Variants in SKAP1 observed in about 807,000 individuals in gnomAD.
SKAP1 encodes src kinase-associated phosphoprotein 1.
Under a neutral mutation model 58.5 loss-of-function variants are expected in SKAP1, and 44 were observed. The ratio of observed to expected loss-of-function variants is 0.75; its 90% CI spans 0.59 to 0.97. The LOEUF (loss-of-function observed/expected upper bound fraction) is 0.97, where lower values mean the gene tolerates loss of function less well. Ranked by LOEUF, SKAP1 falls within the 50% of genes least tolerant of loss-of-function variation. SKAP1 has a pLI of 0.00. For synonymous variants in SKAP1, 127 were observed against 149.7 expected (o/e 0.85, Z 1.11); for missense variants, 390 against 435.2 (o/e 0.90, Z 0.92).
chr17:48,225,013 A>G (rs1184904233), intron 4 of SKAP1, among the ~76,000 whole-genome samples: 2 of 152,212 alleles, frequency 1.3e-5, no homozygotes, highest in Admixed American at 6.5e-5. Flanking sequence ...AAGGACTACA[A>G]ATAACTATAG....
At chr17:48,429,909 G>A (rs946912063) in intron 1 of SKAP1, among the ~76,000 whole-genome samples, 166 bp downstream of exon 1, 1 of 152,172 alleles carries the variant, frequency 6.6e-6, no homozygotes, top group Non-Finnish European at 1.5e-5. Flanking sequence ...GGGCCCTGAG[G>A]TGAGAGGATG....
At chr17:48,252,044 C>T (rs554763049) in intron 4 of SKAP1, among the ~76,000 whole-genome samples, 8 of 152,242 alleles carry the variant, frequency 5.3e-5, no homozygotes, top group African/African-American at 7.2e-5. Flanking sequence ...CAGATTTTAA[C>T]GCTAAGAATT....
chr17:48,188,074 T>A (rs766234783), intron 5 of SKAP1, 148 bp from the exon 6 acceptor site: 13 of 606,158 alleles, frequency 2.1e-5, no homozygotes, highest in Non-Finnish European at 3.2e-5. Context: ...TCCCACAGGT[T>A]ATCCCATATT....
intron 1 of SKAP1, among the ~76,000 whole-genome samples, chr17:48,423,832 C>T (rs1483854903): frequency 6.6e-6 from 1 of 152,160 alleles, no homozygotes; most frequent in Non-Finnish European, 1.5e-5. Flanking sequence ...TCTCACCTCA[C>T]TGCAGCCTCA....
intron 4 of SKAP1, among the ~76,000 whole-genome samples, chr17:48,295,042 C>T (rs539340037): frequency 1.3e-5 from 2 of 152,200 alleles, no homozygotes; most frequent in African/African-American, 4.8e-5. Flanking sequence ...ACTTAAATGG[C>T]TATTTGTAAA....
intron 2 of SKAP1, among the ~76,000 whole-genome samples, chr17:48,364,855 C>T (rs12449743): frequency 0.092 from 14,033 of 152,046 alleles, 988 homozygotes; most frequent in African/African-American, 0.17. Context: ...AAATAATTGG[C>T]AAAACTGACA....
chr17:48,264,887 A>G (rs2065526424), intron 4 of SKAP1, among the ~76,000 whole-genome samples: 1 of 152,068 alleles, frequency 6.6e-6, no homozygotes, highest in South Asian at 2.1e-4. Context: ...GCTGCAGTCA[A>G]CGAGGAAACA....
chr17:48,382,204 G>A (rs748567893), intron 2 of SKAP1, among the ~76,000 whole-genome samples: 1 of 151,396 alleles, frequency 6.6e-6, no homozygotes, highest in African/African-American at 2.4e-5. Flanking sequence ...AAACCCACAT[G>A]GGGGGAGGGG....
At chr17:48,404,040 G>C (rs2067537030) in intron 1 of SKAP1, among the ~76,000 whole-genome samples, 1 of 149,486 alleles carries the variant, frequency 6.7e-6, no homozygotes, top group Admixed American at 6.7e-5. Flanking sequence ...AGTGAGCTGA[G>C]ATTGCGCCAC....
chr17:48,146,361 C>T (rs2063832659), intron 11 of SKAP1, among the ~76,000 whole-genome samples: 3 of 151,928 alleles, frequency 2.0e-5, no homozygotes, highest in South Asian at 2.1e-4. Context: ...GGCATGGTGG[C>T]GCACACCTGT....
chr17:48,160,881 C>T (rs1057280136), intron 11 of SKAP1, among the ~76,000 whole-genome samples: 3 of 152,302 alleles, frequency 2.0e-5, no homozygotes, highest in East Asian at 1.9e-4. Flanking sequence ...ACCTTGCTTT[C>T]GGGCATTTGA....
intron 9 of SKAP1, among the ~76,000 whole-genome samples, chr17:48,171,457 CTCCTT>C (rs1235703764): frequency 6.6e-6 from 1 of 152,108 alleles, no homozygotes; most frequent in East Asian, 1.9e-4. Flanking sequence ...AACTGGCCCT[CTCCTT>C]CCCTTCCCTT....
intron 4 of SKAP1, among the ~76,000 whole-genome samples, chr17:48,257,628 CTTTTTTT>C (rs56225931): frequency 1.5e-4 from 17 of 111,150 alleles, no homozygotes; most frequent in Admixed American, 2.8e-4. Context: ...TTCTTTCTTT[CTTTTTTT>C]TTTTTTTTTT....
At chr17:48,137,887 T>G (rs2063721117) in intron 11 of SKAP1, among the ~76,000 whole-genome samples, 1 of 152,242 alleles carries the variant, frequency 6.6e-6, no homozygotes, top group African/African-American at 2.4e-5. Context: ...TAGGTTCTCC[T>G]AGCTTTAGCT....
chr17:48,170,325 A>G (rs886458494), intron 10 of SKAP1, among the ~76,000 whole-genome samples: 3 of 152,198 alleles, frequency 2.0e-5, no homozygotes, highest in East Asian at 3.8e-4. Context: ...GTACTGATAT[A>G]AGAAATATTG....
intron 4 of SKAP1, among the ~76,000 whole-genome samples, chr17:48,264,563 T>C (rs1174328622): frequency 6.6e-6 from 1 of 152,082 alleles, no homozygotes; most frequent in Non-Finnish European, 1.5e-5. Context: ...AAGGCAAAAC[T>C]GAAAAGCACA....
At chr17:48,420,312 G>A (rs2067778319) in intron 1 of SKAP1, among the ~76,000 whole-genome samples, 1 of 151,980 alleles carries the variant, frequency 6.6e-6, no homozygotes, top group Non-Finnish European at 1.5e-5. Flanking sequence ...TATGAAATTA[G>A]GTAAAAATAT....
chr17:48,359,449 G>A (rs1000626667), intron 3 of SKAP1, among the ~76,000 whole-genome samples: 4 of 152,118 alleles, frequency 2.6e-5, no homozygotes, highest in East Asian at 1.9e-4. Context: ...TCTCATAGAT[G>A]TCATTTTTTA....
At chr17:48,138,369 T>A (rs1259355349) in intron 11 of SKAP1, among the ~76,000 whole-genome samples, 2 of 149,240 alleles carry the variant, frequency 1.3e-5, no homozygotes, top group Non-Finnish European at 3.0e-5. Context: ...CACACCCGGC[T>A]ATTTTTTTTT....
Sources: gnomAD v4.1 joint callset for allele counts (sites outside exome capture counted in the v4.1 genomes callset) on GRCh38, gnomAD v4.1.1 for gene constraint, MANE v1.5 for transcripts, NCBI Gene and HGNC (gene_info 2026-07-23, HGNC 2026-07-21) for gene names.